RRAS2: variants seen among roughly 807,000 people sequenced by gnomAD.
RRAS2 encodes RAS related 2, also known as ras-related protein R-Ras2.
In RRAS2, 7 loss-of-function variants were observed where a neutral mutation model predicts 27.6. The observed-to-expected ratio is 0.25, with a 90% CI of 0.14 to 0.48. The LOEUF is 0.48. Among genes scored for constraint, RRAS2 ranks in the 20% least tolerant of loss-of-function variants. RRAS2 has a pLI of 0.99. For missense variants in RRAS2, 178 were observed against 256.2 expected, an observed-to-expected ratio of 0.69 and a Z score of 2.08; for synonymous variants, 86 against 90.9, an observed-to-expected ratio of 0.95 and a Z score of 0.31.
rs1847819758 is a variant in RRAS2, at chr11:14,306,006, C to A, written c.109-10151G>T. Among the ~76,000 whole-genome samples the A allele has an allele frequency of 2.0e-5, 3 of 152,136 alleles. No homozygotes were observed. The South Asian group carries it at 6.2e-4, about 32-fold the overall frequency. ...GCTGCAGTGAGCTGCGACCGCACCACTGCATTCCAACCTGGGCTACAGACT... is the reference window on the plus strand; with the variant it reads ...GCTGCAGTGAGCTGCGACCGCACCAATGCATTCCAACCTGGGCTACAGACT... On this transcript the variant is annotated intron_variant, in intron 1 of 5. Coordinates refer to ENST00000256196, the MANE Select transcript of RRAS2 (RefSeq NM_012250.6).
At chr11:14,350,892 C>T (rs1017840600) in intron 1 of RRAS2, among the ~76,000 whole-genome samples, 1 of 152,174 alleles carries the variant, frequency 6.6e-6, no homozygotes, top group African/African-American at 2.4e-5. Flanking sequence ...TAATCATGCC[C>T]TCAGTCTTTT....
rs1025927839 is a variant in RRAS2, at chr11:14,364,482, A to G, written c.-215T>C. On this transcript the variant is annotated 5_prime_UTR_variant, in exon 1 of 6. Transcript: ENST00000529237. ...TGGCTGGCAGAGAATGAAACCGCCC[A>G]GCAGGAGCTGCATGCATCTGAGATG... 5 of 1,181,182 alleles carry G rather than the reference A, an allele frequency of 4.2e-6. No individual in the cohort carries two copies. In the Admixed American group the frequency reaches 5.9e-5, roughly 14 times the overall value. 73.2% of individuals were successfully genotyped at this position (1,181,182 alleles called of 1,614,324 possible). A position where few individuals can be genotyped will look rare whatever the true frequency, so the allele number is the denominator to read the frequency against.
intron 1 of RRAS2, among the ~76,000 whole-genome samples, chr11:14,331,232 T>C (rs1167004442): frequency 6.6e-6 from 1 of 152,128 alleles, no homozygotes; most frequent in East Asian, 1.9e-4. Flanking sequence ...ACAACACCCA[T>C]ACAACTTAAT....
At chr11:14,327,924 G>A (rs934190994) in intron 1 of RRAS2, among the ~76,000 whole-genome samples, 2 of 152,100 alleles carry the variant, frequency 1.3e-5, no homozygotes, top group African/African-American at 2.4e-5. Flanking sequence ...AAAGCATGGA[G>A]GAAAAAACAC....
At chr11:14,322,015 A>C (rs1394747587) in intron 1 of RRAS2, among the ~76,000 whole-genome samples, 3 of 152,218 alleles carry the variant, frequency 2.0e-5, no homozygotes, top group African/African-American at 7.2e-5. Context: ...TTTAACAGTT[A>C]CTATGCTAGA....
chr11:14,334,782 G>A (rs1848557679), intron 1 of RRAS2, among the ~76,000 whole-genome samples: 1 of 151,766 alleles, frequency 6.6e-6, no homozygotes, highest in African/African-American at 2.4e-5. Flanking sequence ...AAAGGTCCTT[G>A]CCATCAACAA....
intron 1 of RRAS2, among the ~76,000 whole-genome samples, chr11:14,300,425 G>T (rs1554947215): frequency 6.6e-6 from 1 of 152,128 alleles, no homozygotes; most frequent in Non-Finnish European, 1.5e-5. Flanking sequence ...AAATTAGCCA[G>T]GCATGGTGGC....
chr11:14,288,957 T>C (rs1458136084), intron 4 of RRAS2, among the ~76,000 whole-genome samples: 2 of 152,240 alleles, frequency 1.3e-5, no homozygotes, highest in African/African-American at 2.4e-5. Flanking sequence ...CAAATACTTA[T>C]TTAGTGCATA....
intron 1 of RRAS2, among the ~76,000 whole-genome samples, chr11:14,324,384 C>G (rs1364802744): frequency 6.8e-6 from 1 of 146,946 alleles, no homozygotes; most frequent in Non-Finnish European, 1.5e-5. Context: ...AAAATATATT[C>G]TAGACCTTTA....
chr11:14,363,379 G>T (rs1272334092), upstream of RRAS2, among the ~76,000 whole-genome samples: 1 of 152,148 alleles, frequency 6.6e-6, no homozygotes, highest in Non-Finnish European at 1.5e-5. Flanking sequence ...GCAGCCTGTA[G>T]TGTCTTTTAA....
intron 1 of RRAS2, among the ~76,000 whole-genome samples, chr11:14,309,564 G>A (rs1386451027): frequency 6.6e-6 from 1 of 152,246 alleles, no homozygotes; most frequent in Non-Finnish European, 1.5e-5. Context: ...TACTGCATAA[G>A]ATAGCCAGAG....
At chr11:14,303,479 G>A (rs1039347446) in intron 1 of RRAS2, among the ~76,000 whole-genome samples, 2 of 152,174 alleles carry the variant, frequency 1.3e-5, no homozygotes, top group Non-Finnish European at 2.9e-5. Flanking sequence ...GTTCATGCCT[G>A]TAATCCCAGC....
At chr11:14,341,522 A>G (rs1486870765) in intron 1 of RRAS2, among the ~76,000 whole-genome samples, 3 of 152,162 alleles carry the variant, frequency 2.0e-5, no homozygotes, top group Non-Finnish European at 4.4e-5. Flanking sequence ...TTTATCCACA[A>G]ATTGAAATAT....
chr11:14,328,991 G>A (rs890096531), intron 1 of RRAS2, among the ~76,000 whole-genome samples: 4 of 52,460 alleles, frequency 7.6e-5, no homozygotes, highest in African/African-American at 2.0e-4. Context: ...ATATATGTGT[G>A]TGTGTGTGTG....
Position 14,294,950 on chromosome 11 carries a change from G to A in RRAS2, c.197-88C>T, listed in dbSNP as rs1024456276. 7 of 1,052,716 alleles carry A rather than the reference G, an allele frequency of 6.6e-6. No individual in the cohort carries two copies. The African/African-American group carries it at 7.9e-5, about 12-fold the overall frequency. The allele number at this position is 1,052,716 out of a possible 1,614,324, so 65.2% of individuals were successfully genotyped here. ...AAGACCAATTAATGTGAGTCCTCTA[G>A]AGAGCCTCATACTTGGTATAATACA... On this transcript the variant is annotated intron_variant, in intron 2 of 5. Coordinates refer to ENST00000256196, the MANE Select transcript of RRAS2 (RefSeq NM_012250.6).
chr11:14,289,238 A>G (rs1196879751), intron 4 of RRAS2, among the ~76,000 whole-genome samples: 1 of 152,208 alleles, frequency 6.6e-6, no homozygotes, highest in African/African-American at 2.4e-5. Flanking sequence ...ATAATAAGTT[A>G]TTTTCTCAAA....
At chr11:14,324,621 T>C (rs1848307791) in intron 1 of RRAS2, among the ~76,000 whole-genome samples, 2 of 152,122 alleles carry the variant, frequency 1.3e-5, no homozygotes, top group Non-Finnish European at 1.5e-5. Context: ...TGTTTATAAG[T>C]GTAAGAGTCA....
chr11:14,343,826 CCT>C (rs1483381715), intron 1 of RRAS2, among the ~76,000 whole-genome samples: 1 of 150,688 alleles, frequency 6.6e-6, no homozygotes, highest in Admixed American at 6.6e-5. Context: ...AGAGTGAGAC[CCT>C]GTCTCAAAAA....
intron 1 of RRAS2, among the ~76,000 whole-genome samples, chr11:14,341,594 AAAAAAT>A (rs1478323129): frequency 2.6e-5 from 4 of 152,130 alleles, no homozygotes; most frequent in Admixed American, 2.6e-4. Context: ...AGGACCAAAA[AAAAAAT>A]AAAAATAAAA....
Sources: allele counts gnomAD v4.1 joint callset (sites outside exome capture counted in the v4.1 genomes callset), GRCh38; gene constraint gnomAD v4.1.1; transcripts MANE v1.5; gene names NCBI Gene and HGNC (gene_info 2026-07-23, HGNC 2026-07-21).